CLSTN2: variants seen among roughly 807,000 people sequenced by gnomAD.
CLSTN2 encodes the protein calsyntenin-2.
Under a neutral mutation model 101.2 loss-of-function variants are expected in CLSTN2, and 48 were observed. That is an observed-to-expected ratio of 0.47 (90% CI 0.38 to 0.60). The LOEUF (loss-of-function observed/expected upper bound fraction) is 0.60. CLSTN2 is among the 20% of genes least tolerant of loss of function. CLSTN2 has a pLI of 0.00. For synonymous variants in CLSTN2, 481 were observed against 463.6 expected (o/e 1.04, Z -0.48); for missense variants, 1,160 against 1,238.2 (o/e 0.94, Z 0.95).
At chr3:140,414,442 A>C (rs2088403618) in intron 4 of CLSTN2, among the ~76,000 whole-genome samples, 1 of 152,096 alleles carries the variant, frequency 6.6e-6, no homozygotes, top group Non-Finnish European at 1.5e-5. Flanking sequence ...AAGAATCAAT[A>C]TTGTTAAAAT....
In CLSTN2 at chr3:140,563,217, G is replaced by C. The variant is rs1240041445; in HGVS notation, c.2482+14G>C. The C allele has an allele frequency of 6.2e-7, 1 of 1,612,986 alleles. No individual in the cohort carries two copies. The highest frequency in any genetic ancestry group is 8.5e-7 in the Non-Finnish European group (1 of 1,179,370). On this transcript the variant is annotated intron_variant, in intron 15 of 16. Transcript: ENST00000458420. Reference sequence around the variant, plus strand: ...AGCACAGTTCAGGTAGGGTGCCCAAGAGGAGGGACCCTCAGGACACAGGTC... The same window carrying C: ...AGCACAGTTCAGGTAGGGTGCCCAACAGGAGGGACCCTCAGGACACAGGTC...
intron 8 of CLSTN2, among the ~76,000 whole-genome samples, chr3:140,478,750 G>A (rs1934044914): frequency 7.4e-6 from 1 of 135,544 alleles, no homozygotes; most frequent in Non-Finnish European, 1.6e-5. Context: ...CTTCAATAAA[G>A]ATTAAAAACA....
intron 1 of CLSTN2, among the ~76,000 whole-genome samples, chr3:140,043,302 G>T (rs1345571491): frequency 6.6e-6 from 1 of 152,058 alleles, no homozygotes; most frequent in Non-Finnish European, 1.5e-5. Context: ...TCATGTGTCT[G>T]TTGGCTGCAT....
At chr3:140,407,993 G>A (rs1260023384) in intron 4 of CLSTN2, among the ~76,000 whole-genome samples, 2 of 152,164 alleles carry the variant, frequency 1.3e-5, no homozygotes, top group East Asian at 1.9e-4. Context: ...GGAGATCCCA[G>A]CCTTCATTCC....
intron 8 of CLSTN2, among the ~76,000 whole-genome samples, chr3:140,504,604 A>G (rs1165689706): frequency 1.3e-5 from 2 of 152,210 alleles, no homozygotes; most frequent in Non-Finnish European, 1.5e-5. Flanking sequence ...AGTCATCAGG[A>G]AGAATGAGCC....
intron 1 of CLSTN2, among the ~76,000 whole-genome samples, chr3:140,120,215 C>A (rs1247430700): frequency 6.6e-6 from 1 of 152,134 alleles, no homozygotes; most frequent in East Asian, 1.9e-4. Context: ...TCTGACCCAA[C>A]CCACTTCAAT....
chr3:139,951,637 T>C (rs1296528049), intron 1 of CLSTN2, among the ~76,000 whole-genome samples: 1 of 152,044 alleles, frequency 6.6e-6, no homozygotes, highest in Non-Finnish European at 1.5e-5. Context: ...AGATATAAGA[T>C]TGAAGTTTAA....
intron 2 of CLSTN2, among the ~76,000 whole-genome samples, chr3:140,214,510 G>A (rs936925722): frequency 3.9e-5 from 6 of 152,092 alleles, no homozygotes; most frequent in Admixed American, 6.6e-5. Flanking sequence ...GCATGAGTAG[G>A]TGATCAGTAT....
chr3:140,382,845 A>G lies in CLSTN2; in HGVS notation c.233-20784A>G, dbSNP rs143196275. On this transcript the variant is annotated intron_variant, in intron 2 of 16. Transcript: ENST00000458420. ...TTAGACCTCATTTATAAGGGCACTG[A>G]TCCCATTCTTCAGAACTCTGCCCTT... Among the ~76,000 whole-genome samples the G allele has an allele frequency of 1.6e-3, 243 of 150,486 alleles. 2 individuals are homozygous for G. The highest frequency in any genetic ancestry group is 3.8e-3 in the Admixed American group (57 of 14,882).
intron 1 of CLSTN2, among the ~76,000 whole-genome samples, chr3:140,159,045 A>T (rs1560112748): frequency 6.6e-6 from 1 of 152,198 alleles, no homozygotes; most frequent in Non-Finnish European, 1.5e-5. Context: ...TGGATTAAAG[A>T]TTTAAATGTG....
At chr3:140,563,456 C>G (rs1348562156) in intron 15 of CLSTN2, among the ~76,000 whole-genome samples, 1 of 152,054 alleles carries the variant, frequency 6.6e-6, no homozygotes, top group Non-Finnish European at 1.5e-5. Flanking sequence ...AATTTCAGGC[C>G]CAACTCAAAA....
intron 5 of CLSTN2, among the ~76,000 whole-genome samples, chr3:140,443,225 C>T (rs1352371784): frequency 1.3e-5 from 2 of 152,230 alleles, no homozygotes; most frequent in African/African-American, 2.4e-5. Flanking sequence ...TGTGCGTGCA[C>T]ATTTAAGGAA....
chr3:140,515,382 T>A (rs1360218561), intron 8 of CLSTN2, among the ~76,000 whole-genome samples: 1 of 152,142 alleles, frequency 6.6e-6, no homozygotes, highest in Non-Finnish European at 1.5e-5. Flanking sequence ...TCAGCTCTGA[T>A]CTTTGTTATT....
At chr3:140,103,438 T>C (rs2009001413) in intron 1 of CLSTN2, among the ~76,000 whole-genome samples, 1 of 152,204 alleles carries the variant, frequency 6.6e-6, no homozygotes, top group Non-Finnish European at 1.5e-5. Context: ...TCTGTCAACC[T>C]CCCACGACTG....
intron 8 of CLSTN2, among the ~76,000 whole-genome samples, chr3:140,527,986 G>T (rs779180925): frequency 1.3e-5 from 2 of 152,178 alleles, no homozygotes; most frequent in South Asian, 2.1e-4. Context: ...GGTAGTACTT[G>T]TGTGATAGGA....
intron 1 of CLSTN2, among the ~76,000 whole-genome samples, chr3:140,060,044 G>T (rs1214718967): frequency 6.6e-6 from 1 of 152,106 alleles, no homozygotes; most frequent in African/African-American, 2.4e-5. Flanking sequence ...TTCCTCATCT[G>T]TAAAATGATA....
chr3:140,206,526 A>G (rs1245326935), intron 2 of CLSTN2, among the ~76,000 whole-genome samples: 2 of 152,166 alleles, frequency 1.3e-5, no homozygotes, highest in Admixed American at 6.5e-5. Context: ...ATCGGCTCTT[A>G]TCAAATATGA....
At chr3:140,452,107 A>T (rs929391743) in intron 6 of CLSTN2, among the ~76,000 whole-genome samples, 2 of 152,140 alleles carry the variant, frequency 1.3e-5, no homozygotes, top group African/African-American at 4.8e-5. Context: ...TGCCAACCAG[A>T]GCCAGGTATC....
At chr3:140,518,606 G>T (rs1004898146) in intron 8 of CLSTN2, among the ~76,000 whole-genome samples, 2 of 152,130 alleles carry the variant, frequency 1.3e-5, no homozygotes, top group African/African-American at 4.8e-5. Context: ...TAAATCCAGG[G>T]GCAGATGATT....
Sources: allele counts gnomAD v4.1 joint callset (sites outside exome capture counted in the v4.1 genomes callset), GRCh38; gene constraint gnomAD v4.1.1; transcripts MANE v1.5; gene names NCBI Gene and HGNC (gene_info 2026-07-23, HGNC 2026-07-21).